The following PTGFR variants were observed in gnomAD, a reference collection of about 807,000 sequenced individuals.
The protein encoded by PTGFR is prostaglandin F receptor.
PTGFR carries 15 observed loss-of-function variants against 26.2 expected under a neutral mutation model. The ratio of observed to expected loss-of-function variants is 0.57; its 90% CI spans 0.38 to 0.88. The LOEUF (loss-of-function observed/expected upper bound fraction) is 0.88. PTGFR is among the 40% of genes least tolerant of loss of function. PTGFR has a pLI of 0.00. For synonymous variants in PTGFR, 165 were observed against 151.1 expected, an observed-to-expected ratio of 1.09 and a Z score of -0.68; for missense variants, 369 against 427.2, an observed-to-expected ratio of 0.86 and a Z score of 1.20.
intron 2 of PTGFR, among the ~76,000 whole-genome samples, chr1:78,504,625 C>G (rs920950510): frequency 6.6e-6 from 1 of 152,022 alleles, no homozygotes; most frequent in Non-Finnish European, 1.5e-5. Flanking sequence ...TTAAAAAATG[C>G]TTTTCTCAGG....
At chr1:78,509,344 C>T (rs1649904624) in intron 2 of PTGFR, among the ~76,000 whole-genome samples, 1 of 152,172 alleles carries the variant, frequency 6.6e-6, no homozygotes, top group Admixed American at 6.5e-5. Context: ...TTGCTCAACA[C>T]CTGTGCATTA....
chr1:78,534,667 C>CT lies in PTGFR; in HGVS notation c.799-1733dup, dbSNP rs1650602833. 2.0e-5 allele frequency among the ~76,000 whole-genome samples: 3 copies of CT among 151,484 alleles called. No individual in the cohort carries two copies. The East Asian group carries it at 5.8e-4, about 29-fold the overall frequency. ...CGAAAACAATGACATACACTCCAGGCTTTTTTCTATGAACAAAATTACATA... is the reference window on the plus strand; with the variant it reads ...CGAAAACAATGACATACACTCCAGGCTTTTTTTCTATGAACAAAATTACATA... On this transcript the variant is annotated intron_variant, in intron 2 of 2. Transcript: ENST00000370757.
At chr1:78,531,429 T>C (rs620580) in intron 2 of PTGFR, among the ~76,000 whole-genome samples, 5,997 of 152,076 alleles carry the variant, frequency 0.039, 390 homozygotes, top group African/African-American at 0.14. Flanking sequence ...TGATCTTCAA[T>C]TGTGGCCCTT....
chr1:78,499,234 C>T (rs1275137198), intron 2 of PTGFR, among the ~76,000 whole-genome samples: 1 of 152,218 alleles, frequency 6.6e-6, no homozygotes, highest in Non-Finnish European at 1.5e-5. Flanking sequence ...TCTCAAATAT[C>T]CCCTCCTCTA....
rs369177220 is a variant in PTGFR at position 78,491,253 on chromosome 1, G to C, written c.-73+17G>C. ...GATGACAAGGTACCATCCCTCCAGAGGCTGATCCCAATGCATCGGCTTCGC... is the reference window on the plus strand; with the variant it reads ...GATGACAAGGTACCATCCCTCCAGACGCTGATCCCAATGCATCGGCTTCGC... On this transcript the variant is annotated intron_variant, in intron 1 of 2. Coordinates refer to ENST00000370757, the MANE Select transcript of PTGFR (RefSeq NM_000959.4). 6.6e-6 allele frequency: 1 copy of C among 152,314 alleles called. No individual in the cohort carries two copies. Among genetic ancestry groups the C allele is most frequent in the African/African-American group, 2.4e-5 (1 of 41,462 alleles). The allele number at this position is 152,314 out of a possible 1,614,324, so 9.4% of individuals were successfully genotyped here.
At chr1:78,529,371 A>G (rs950980413) in intron 2 of PTGFR, among the ~76,000 whole-genome samples, 6 of 152,272 alleles carry the variant, frequency 3.9e-5, no homozygotes, top group Admixed American at 2.0e-4. Context: ...GATATTTTAG[A>G]TAAACATTTT....
intron 2 of PTGFR, among the ~76,000 whole-genome samples, chr1:78,522,437 G>C (rs1235275012): frequency 3.9e-5 from 6 of 152,040 alleles, no homozygotes; most frequent in Non-Finnish European, 8.8e-5. Flanking sequence ...GCATATTAAA[G>C]GGGTCATTTT....
chr1:78,495,447 A>ACTCAC (rs1649523778), intron 2 of PTGFR, among the ~76,000 whole-genome samples: 1 of 152,216 alleles, frequency 6.6e-6, no homozygotes. Context: ...AGTCTGAGTG[A>ACTCAC]GTTGAAATGA....
intron 2 of PTGFR, 115 bp from the exon 3 acceptor site, chr1:78,536,290 CA>C: frequency 1.0e-6 from 1 of 978,544 alleles, no homozygotes; most frequent in Non-Finnish European, 1.5e-6. Context: ...GTATTTTAAA[CA>C]ATAGCATCAC....
At chr1:78,508,018 T>G (rs1649867186) in intron 2 of PTGFR, among the ~76,000 whole-genome samples, 1 of 152,208 alleles carries the variant, frequency 6.6e-6, no homozygotes, top group Admixed American at 6.5e-5. Context: ...GTGTAGTTAC[T>G]TATGGGATTA....
At chr1:78,492,627 G>A (rs1649433059) in intron 1 of PTGFR, 45 bp from the exon 2 acceptor site, 19 of 990,034 alleles carry the variant, frequency 1.9e-5, no homozygotes, top group Non-Finnish European at 2.3e-5. Flanking sequence ...AACGTCAGAT[G>A]AGCAGTAATG....
chr1:78,524,156 C>T (rs931030243), intron 2 of PTGFR, among the ~76,000 whole-genome samples: 1 of 151,956 alleles, frequency 6.6e-6, no homozygotes, highest in Non-Finnish European at 1.5e-5. Context: ...ATGATGAGGG[C>T]ACTTGTTCAA....
chr1:78,524,906 A>ATTTTTTTTTTTTTTTTTT (rs35641651), intron 2 of PTGFR, among the ~76,000 whole-genome samples: 10 of 70,524 alleles, frequency 1.4e-4, no homozygotes, highest in East Asian at 5.2e-4. Context: ...CAAATGCAAG[A>ATTTTTTTTTTTTTTTTTT]TTTTTTTTTT....
chr1:78,509,771 T>C (rs945991759), intron 2 of PTGFR, among the ~76,000 whole-genome samples: 1 of 152,238 alleles, frequency 6.6e-6, no homozygotes, highest in Non-Finnish European at 1.5e-5. Context: ...ATATAAATGC[T>C]AGCCTGCTTA....
At chr1:78,534,800 A>G (rs909274814) in intron 2 of PTGFR, among the ~76,000 whole-genome samples, 1 of 152,162 alleles carries the variant, frequency 6.6e-6, no homozygotes, top group Non-Finnish European at 1.5e-5. Flanking sequence ...ATATATCTCA[A>G]TTATGTGAAA....
chr1:78,494,435 A>G (rs1378238365), intron 2 of PTGFR, among the ~76,000 whole-genome samples: 6 of 152,184 alleles, frequency 3.9e-5, no homozygotes, highest in Non-Finnish European at 8.8e-5. Context: ...GTCTGTAACA[A>G]TGGGGAAGTG....
chr1:78,526,324 A>G (rs1417849692), intron 2 of PTGFR, among the ~76,000 whole-genome samples: 1 of 152,066 alleles, frequency 6.6e-6, no homozygotes, highest in Admixed American at 6.6e-5. Flanking sequence ...ATGCATTTCT[A>G]GAGATAGTGT....
intron 2 of PTGFR, among the ~76,000 whole-genome samples, chr1:78,517,723 A>C (rs1650123059): frequency 6.6e-6 from 1 of 152,108 alleles, no homozygotes; most frequent in African/African-American, 2.4e-5. Flanking sequence ...GGATTTTGGA[A>C]GCCATGGTGA....
chr1:78,527,354 C>T (rs1650397393), intron 2 of PTGFR, among the ~76,000 whole-genome samples: 2 of 151,946 alleles, frequency 1.3e-5, no homozygotes, highest in Non-Finnish European at 2.9e-5. Flanking sequence ...GATTGATGGC[C>T]TCTCTTGACT....
Sources: allele counts gnomAD v4.1 joint callset (sites outside exome capture counted in the v4.1 genomes callset), GRCh38; gene constraint gnomAD v4.1.1; transcripts MANE v1.5; gene names NCBI Gene and HGNC (gene_info 2026-07-23, HGNC 2026-07-21).